The following SH3PXD2A variants were observed in gnomAD, a reference collection of about 807,000 sequenced individuals.
SH3PXD2A encodes SH3 and PX domains 2A, also known as SH3 and PX domain-containing protein 2A.
A neutral mutation model predicts 115.2 loss-of-function variants in SH3PXD2A; 32 were observed. That is an observed-to-expected ratio of 0.28 (90% CI 0.21 to 0.37). The LOEUF (loss-of-function observed/expected upper bound fraction) is 0.37, where lower values mean the gene tolerates loss of function less well. Ranked by LOEUF, SH3PXD2A falls within the 10% of genes least tolerant of loss-of-function variation. SH3PXD2A has a pLI of 1.00. For missense variants in SH3PXD2A, 1,328 were observed against 1,498.7 expected (o/e 0.89, Z 1.88); for synonymous variants, 610 against 629.1 (o/e 0.97, Z 0.45).
chr10:103,842,973 G>C (rs2039614955), intron 1 of SH3PXD2A, among the ~76,000 whole-genome samples: 1 of 152,150 alleles, frequency 6.6e-6, no homozygotes, highest in South Asian at 2.1e-4. Context: ...AAAATTCGTA[G>C]ACTGGAAATG....
intron 4 of SH3PXD2A, among the ~76,000 whole-genome samples, chr10:103,727,147 A>C (rs543192395): frequency 1.5e-4 from 23 of 152,172 alleles, no homozygotes; most frequent in African/African-American, 5.5e-4. Flanking sequence ...TTTGTCCTGG[A>C]GGTAGACATC....
In SH3PXD2A at chr10:103,627,553, C is replaced by G. The variant is rs1167506521; in HGVS notation, c.605-351G>C. 2.6e-5 allele frequency among the ~76,000 whole-genome samples: 4 copies of G among 152,348 alleles called. No individual in the cohort carries two copies. The highest frequency in any genetic ancestry group is 5.9e-5 in the Non-Finnish European group (4 of 68,036). ...GCCATACAGAGAGACCATTTATGGT[C>G]TTTGAAACCCATTAGGATGACTGGT... On this transcript the variant is annotated intron_variant, in intron 8 of 14. Transcript: ENST00000369774. This position sits in a 1 kb window ranked among gnomAD's most constrained non-coding sequence, Gnocchi z 4.4.
chr10:103,722,303 C>CAA (rs34835878), intron 5 of SH3PXD2A, among the ~76,000 whole-genome samples: 16,163 of 90,944 alleles, frequency 0.18, 1,178 homozygotes, highest in East Asian at 0.37. Flanking sequence ...GACTCTGTCT[C>CAA]AAAAAAAAAA....
rs745514434 is a variant in SH3PXD2A, at chr10:103,603,247, G to C, written c.1971C>G (p.Ser657=). Residue 657 remains serine (S), a synonymous_variant, in exon 15 of 15, where the codon TCC becomes TCG. Transcript: ENST00000369774. ...ATGACTTGGGGGAGCCTGATTTGGG[G>C]GAGTTTTTCCTGGTCAGGGACAGCG... ...SSSLSLTRKN[S]PKSGSPKSSS... The C allele has an allele frequency of 7.4e-6, 12 of 1,614,116 alleles. No individual in the cohort carries two copies. The highest frequency in any genetic ancestry group is 9.3e-6 in the Non-Finnish European group (11 of 1,179,994).
chr10:103,785,500 C>A lies in SH3PXD2A; in HGVS notation c.153+15782G>T, dbSNP rs542955965. Among the ~76,000 whole-genome samples the A allele has an allele frequency of 8.5e-5, 13 of 152,284 alleles. No homozygotes were observed. The East Asian group carries it at 2.3e-3, about 27-fold the overall frequency. ...TGCCAGCCCCTTGTACTCATAGGGC[C>A]CCCGGGCACAGCATGGCCCAGGGAA... On this transcript the variant is annotated intron_variant, in intron 2 of 14. Transcript: ENST00000369774.
intron 3 of SH3PXD2A, among the ~76,000 whole-genome samples, chr10:103,764,448 G>C (rs1244741992): frequency 6.6e-6 from 1 of 152,150 alleles, no homozygotes; most frequent in Non-Finnish European, 1.5e-5. Flanking sequence ...CCAGGAAAAA[G>C]AAGGGCACAG....
intron 2 of SH3PXD2A, among the ~76,000 whole-genome samples, chr10:103,786,700 G>C (rs1283193229): frequency 6.6e-6 from 1 of 152,146 alleles, no homozygotes; most frequent in Admixed American, 6.5e-5. Flanking sequence ...TTTGAAAAAT[G>C]GGGGAGAGTG....
intron 10 of SH3PXD2A, among the ~76,000 whole-genome samples, chr10:103,617,928 A>T (rs2036543878): frequency 2.0e-5 from 3 of 152,098 alleles, no homozygotes; most frequent in African/African-American, 7.2e-5. Context: ...AGTCCATGGA[A>T]CCCAGGTCTC....
chr10:103,650,508 G>A (rs986704070), intron 8 of SH3PXD2A, among the ~76,000 whole-genome samples: 1 of 152,182 alleles, frequency 6.6e-6, no homozygotes, highest in Admixed American at 6.5e-5. Flanking sequence ...ACTGTGGCTG[G>A]ATCACACCTG....
intron 6 of SH3PXD2A, among the ~76,000 whole-genome samples, chr10:103,677,424 C>T (rs994252352): frequency 6.6e-6 from 1 of 152,090 alleles, no homozygotes; most frequent in African/African-American, 2.4e-5. Flanking sequence ...ATAACTGGAC[C>T]CATCTTTGGG....
intron 1 of SH3PXD2A, among the ~76,000 whole-genome samples, chr10:103,852,237 C>T (rs769144069): frequency 1.3e-5 from 2 of 152,256 alleles, no homozygotes; most frequent in African/African-American, 4.8e-5. Context: ...GGCTGAGTGC[C>T]ATCCCCATGA....
intron 1 of SH3PXD2A, among the ~76,000 whole-genome samples, chr10:103,828,374 A>G (rs2039451862): frequency 6.6e-6 from 1 of 152,200 alleles, no homozygotes; most frequent in Non-Finnish European, 1.5e-5. Context: ...CCCCAAGCTC[A>G]TTAAAGTAAG....
rs76543046 is a variant in SH3PXD2A at position 103,647,267 on chromosome 10, T to C, written c.604+13716A>G. Among the ~76,000 whole-genome samples, 997 of 152,212 alleles carry C rather than the reference T, an allele frequency of 6.6e-3. 13 individuals carry two copies. The highest frequency in any genetic ancestry group is 0.023 in the African/African-American group (946 of 41,532). ...GATTGGATTTGGATGTCTCCGTCCCTCAAATCTCACTGTCCTGTCTCTGGG... is the reference window on the plus strand; with the variant it reads ...GATTGGATTTGGATGTCTCCGTCCCCCAAATCTCACTGTCCTGTCTCTGGG... On this transcript the variant is annotated intron_variant, in intron 8 of 14. Transcript: ENST00000369774.
chr10:103,780,563 GAGA>G (rs2038922494), intron 2 of SH3PXD2A, among the ~76,000 whole-genome samples: 1 of 152,106 alleles, frequency 6.6e-6, no homozygotes, highest in Non-Finnish European at 1.5e-5. Context: ...TAGAACTCAG[GAGA>G]GGGCAATGAA....
intron 8 of SH3PXD2A, among the ~76,000 whole-genome samples, chr10:103,649,622 C>T (rs1182472745): frequency 6.6e-6 from 1 of 152,248 alleles, no homozygotes; most frequent in Admixed American, 6.5e-5. Context: ...CAGTCTCAAG[C>T]GCAAGACCCC....
At chr10:103,693,205 A>G (rs1441662505) in intron 5 of SH3PXD2A, 149 bp from the exon 6 acceptor site, 3 of 264,910 alleles carry the variant, frequency 1.1e-5, no homozygotes, top group African/African-American at 6.9e-5. Context: ...CGCGCTCCGC[A>G]GCCGCACGCA....
chr10:103,707,942 C>A (rs1172409022), intron 5 of SH3PXD2A, among the ~76,000 whole-genome samples: 1 of 152,170 alleles, frequency 6.6e-6, no homozygotes, highest in Non-Finnish European at 1.5e-5. Flanking sequence ...CCTTTTGCCT[C>A]CAAACCCTCC....
At chr10:103,833,439 A>G (rs1366074116) in intron 1 of SH3PXD2A, among the ~76,000 whole-genome samples, 1 of 152,012 alleles carries the variant, frequency 6.6e-6, no homozygotes, top group Non-Finnish European at 1.5e-5. Flanking sequence ...CTACAAAAAT[A>G]GTAGCTCAAG....
intron 3 of SH3PXD2A, among the ~76,000 whole-genome samples, chr10:103,751,473 A>G (rs2038579012): frequency 6.6e-6 from 1 of 152,244 alleles, no homozygotes; most frequent in African/African-American, 2.4e-5. Context: ...AAATTAAAGC[A>G]CAGAGAGGTT....
Sources: gnomAD v4.1 joint callset for allele counts (sites outside exome capture counted in the v4.1 genomes callset) on GRCh38, gnomAD v4.1.1 for gene constraint, Gnocchi (gnomAD v3.1) non-coding constraint, MANE v1.5 for transcripts, NCBI Gene and HGNC (gene_info 2026-07-23, HGNC 2026-07-21) for gene names.